The following VWF variants were observed in gnomAD, a reference collection of about 807,000 sequenced individuals.
VWF encodes the protein von Willebrand factor.
In VWF, 176 loss-of-function variants were observed where a neutral mutation model predicts 308.6. The observed-to-expected ratio is 0.57, with a 90% CI of 0.50 to 0.65. The LOEUF is 0.65. Ranked by LOEUF, VWF falls within the 30% of genes least tolerant of loss-of-function variation. VWF has a pLI of 0.00. For synonymous variants in VWF, 1,385 were observed against 1,443.4 expected, an observed-to-expected ratio of 0.96 and a Z score of 0.92; for missense variants, 3,146 against 3,648.2, an observed-to-expected ratio of 0.86 and a Z score of 3.55.
At chr12:6,119,109 A>G (rs1417403512) in intron 3 of VWF, among the ~76,000 whole-genome samples, 4 of 152,044 alleles carry the variant, frequency 2.6e-5, no homozygotes, top group African/African-American at 7.2e-5. Flanking sequence ...GCTGCACAAG[A>G]CCCTATACTA....
intron 46 of VWF, among the ~76,000 whole-genome samples, 157 bp downstream of exon 46, chr12:5,967,970 C>T (rs1288469530): frequency 6.6e-6 from 1 of 152,182 alleles, no homozygotes; most frequent in Non-Finnish European, 1.5e-5. Context: ...GCCTGGGCTC[C>T]ATGATGCCAG....
chr12:5,960,282 TC>T (rs1943299028), intron 47 of VWF, among the ~76,000 whole-genome samples: 6 of 151,864 alleles, frequency 4.0e-5, no homozygotes, highest in Admixed American at 3.9e-4. Flanking sequence ...ACGGATAAGT[TC>T]CATGAAAAAC....
chr12:6,018,442 C>T lies in VWF; in HGVS notation c.4976G>A (p.Arg1659Gln), dbSNP rs781675955. 4.3e-6 allele frequency: 7 copies of T among 1,613,176 alleles called. No homozygotes were observed. The highest frequency in any genetic ancestry group is 1.7e-5 in the Admixed American group (1 of 59,990). ...ILIQDFETLPREAPDLVLQRC... is the reference protein window; with the variant it reads ...ILIQDFETLPQEAPDLVLQRC... ...CTGCAGCACCAGGTCAGGAGCCTCT[C>T]GGGGGAGCGTCTCAAAGTCCTGGAT... The change falls in exon 28 of 52, where the codon CGA becomes CAA. Residue 1659 changes from arginine to glutamine, a missense_variant. Physicochemically the swap from Arg to Gln is conservative, Grantham distance 43. This residue lies in a region of VWF where 853 missense variants were observed against 1,177.8 expected (regional missense o/e 0.72). Transcript: ENST00000261405.
intron 6 of VWF, among the ~76,000 whole-genome samples, chr12:6,085,737 G>A (rs184007391): frequency 6.7e-6 from 1 of 149,642 alleles, no homozygotes; most frequent in African/African-American, 2.5e-5. Flanking sequence ...CGCGGGGGGC[G>A]GGGGCAAGGA....
At chr12:6,086,714 T>C (rs2136487528) in intron 6 of VWF, among the ~76,000 whole-genome samples, 1 of 152,276 alleles carries the variant, frequency 6.6e-6, no homozygotes, top group Non-Finnish European at 1.5e-5. Context: ...CCTGTGAATT[T>C]CCCTTTCAGA....
intron 1 of VWF, among the ~76,000 whole-genome samples, chr12:6,123,573 C>A (rs933894810): frequency 1.3e-5 from 2 of 152,150 alleles, no homozygotes; most frequent in Admixed American, 6.5e-5. Flanking sequence ...TCCAAACTGG[C>A]GAGTAGGAAC....
intron 6 of VWF, among the ~76,000 whole-genome samples, chr12:6,094,333 T>C (rs569130639): frequency 6.6e-6 from 1 of 152,226 alleles, no homozygotes; most frequent in East Asian, 1.9e-4. Flanking sequence ...CCCTTCAGTG[T>C]CTGCAACTAT....
intron 43 of VWF, among the ~76,000 whole-genome samples, chr12:5,975,498 C>A (rs1943522919): frequency 6.6e-6 from 1 of 152,164 alleles, no homozygotes; most frequent in African/African-American, 2.4e-5. Flanking sequence ...CAGGGGCAGC[C>A]ACCACGAACT....
intron 13 of VWF, among the ~76,000 whole-genome samples, chr12:6,061,066 T>C (rs143294340): frequency 0.012 from 1,782 of 152,274 alleles, 51 homozygotes; most frequent in African/African-American, 0.042. Flanking sequence ...CTGGGCATGA[T>C]GGTGGGCACC....
intron 43 of VWF, among the ~76,000 whole-genome samples, chr12:5,974,549 G>A (rs1943511730): frequency 1.3e-5 from 2 of 152,340 alleles, no homozygotes; most frequent in African/African-American, 2.4e-5. Flanking sequence ...TCCAAGGGCT[G>A]AGCTGGGCCT....
In VWF at chr12:6,095,584, C is replaced by G. The variant is rs1357081621; in HGVS notation, c.533G>C (p.Gly178Ala). The change falls in exon 6 of 52, where the codon GGG becomes GCG. Residue 178 changes from glycine to alanine, a missense_variant and splice_region_variant. Transcript: ENST00000261405. ...GTCATAAGGGTCCGAGGTCAAGGTCCCTGTGGAGGAAAGTTTCAGGAAAGT... is the reference window on the plus strand; with the variant it reads ...GTCATAAGGGTCCGAGGTCAAGGTCGCTGTGGAGGAAAGTTTCAGGAAAGT... Reference protein sequence around the residue: ...FAEDDFMTQEGTLTSDPYDFA... With the variant: ...FAEDDFMTQEATLTSDPYDFA... The G allele has an allele frequency of 6.2e-7, 1 of 1,614,108 alleles. No homozygotes were observed. The highest frequency in any genetic ancestry group is 8.5e-7 in the Non-Finnish European group (1 of 1,179,986).
In VWF at chr12:6,018,235, T is replaced by G. The variant is rs17491418; in HGVS notation, c.5053+130A>C. 331,345 of 1,136,728 alleles carry G rather than the reference T, an allele frequency of 0.29. 47,106 individuals are homozygous for G. The highest frequency in any genetic ancestry group is 0.34 in the Middle Eastern group (1,149 of 3,368). 70.4% of individuals were successfully genotyped at this position (1,136,728 alleles called of 1,614,324 possible). On this transcript the variant is annotated intron_variant, in intron 28 of 51. Coordinates refer to ENST00000261405, the MANE Select transcript of VWF (RefSeq NM_000552.5). ...AACACAGGCCCTTTGAAGGCAAGTT[T>G]CAACCAAGGCCACACAGACCAGGGA... is the stretch of plus-strand genomic sequence containing the variant.
At chr12:6,021,773 C>G (rs565416072) in intron 27 of VWF, 127 bp downstream of exon 27, 1 of 1,106,892 alleles carries the variant, frequency 9.0e-7, no homozygotes, top group East Asian at 2.4e-5. Context: ...AATAAATAAA[C>G]AAATAAAATA....
At chr12:5,964,837 A>G (rs1212604400) in intron 47 of VWF, among the ~76,000 whole-genome samples, 1 of 152,194 alleles carries the variant, frequency 6.6e-6, no homozygotes, top group Non-Finnish European at 1.5e-5. Flanking sequence ...GCGAGAAGAA[A>G]GATTTGGAAG....
At chr12:6,014,414 C>T (rs1944034806) in intron 31 of VWF, among the ~76,000 whole-genome samples, 1 of 152,192 alleles carries the variant, frequency 6.6e-6, no homozygotes, top group Non-Finnish European at 1.5e-5. Flanking sequence ...TCCAGTTAGA[C>T]AGCTATTTCA....
chr12:6,010,764 C>A (rs1943984484), intron 34 of VWF, among the ~76,000 whole-genome samples: 1 of 152,294 alleles, frequency 6.6e-6, no homozygotes, highest in East Asian at 1.9e-4. Flanking sequence ...TGACCATACC[C>A]TCCTTCCCAG....
In VWF at chr12:6,063,155, T is replaced by C. The variant is rs1944674373; in HGVS notation, c.1433-101A>G. 4.1e-6 allele frequency: 4 copies of C among 973,220 alleles called. No individual in the cohort carries two copies. The highest frequency in any genetic ancestry group is 6.4e-6 in the Non-Finnish European group (4 of 628,582). The allele number at this position is 973,220 out of a possible 1,614,324, so 60.3% of individuals were successfully genotyped here. Reference sequence around the variant, plus strand: ...GAAATGGGGTGTCTCAAAAGGATGGTAGCACTGAAGAGCAATGACTTAGGG... The same window carrying C: ...GAAATGGGGTGTCTCAAAAGGATGGCAGCACTGAAGAGCAATGACTTAGGG... On this transcript the variant is annotated intron_variant, in intron 12 of 51. Transcript: ENST00000261405. The surrounding 1 kb of genome is among the most constrained non-coding windows in gnomAD (Gnocchi z 4.9).
chr12:6,012,786 C>T (rs1360703493), intron 32 of VWF, among the ~76,000 whole-genome samples: 2 of 151,308 alleles, frequency 1.3e-5, no homozygotes, highest in African/African-American at 4.9e-5. Flanking sequence ...ACTGCAAGCT[C>T]TGCCTCCCGG....
intron 42 of VWF, among the ~76,000 whole-genome samples, chr12:5,980,088 AAGAAAGGAAGG>A (rs1943581789): frequency 2.8e-5 from 2 of 71,358 alleles, no homozygotes; most frequent in African/African-American, 6.7e-5. Flanking sequence ...AAAGAAAAGA[AAGAAAGGAAGG>A]AAGGAAGGAA....
Sources: allele counts gnomAD v4.1 joint callset (sites outside exome capture counted in the v4.1 genomes callset), GRCh38; gene constraint gnomAD v4.1.1; regional missense constraint gnomAD v4.1.1; non-coding constraint Gnocchi (gnomAD v3.1); transcripts MANE v1.5; gene names NCBI Gene and HGNC (gene_info 2026-07-23, HGNC 2026-07-21).